The following CPED1 variants were observed in gnomAD, a reference collection of about 807,000 sequenced individuals.
CPED1 encodes the protein cadherin-like and PC-esterase domain-containing protein 1.
CPED1 carries 114 observed loss-of-function variants against 128.2 expected under a neutral mutation model. The ratio of observed to expected loss-of-function variants is 0.89; its 90% CI spans 0.76 to 1.04. CPED1 has a LOEUF of 1.04. CPED1 is among the 50% of genes least tolerant of loss of function. The pLI is 0.00. For missense variants in CPED1, 1,211 were observed against 1,207.1 expected (o/e 1.00, Z -0.05); for synonymous variants, 462 against 426.7 (o/e 1.08, Z -1.02).
rs926426936 is a variant in CPED1, at chr7:121,251,769, C to A, written c.2310+7431C>A. Among the ~76,000 whole-genome samples the A allele has an allele frequency of 2.3e-4, 34 of 148,128 alleles. 2 individuals are homozygous for A. Among genetic ancestry groups the A allele is most frequent in the Non-Finnish European group, 7.5e-5 (5 of 66,658 alleles). ...ATCCAACTTAAAGGGATGTGAAGGA[C>A]CTCTTCAAGGAGAACTACAAACCAC... On this transcript the variant is annotated intron_variant, in intron 18 of 22. Transcript: ENST00000310396.
At chr7:121,098,731 A>AATAT (rs1314279145) in intron 6 of CPED1, among the ~76,000 whole-genome samples, 3 of 25,520 alleles carry the variant, frequency 1.2e-4, no homozygotes, top group Admixed American at 7.5e-4. Flanking sequence ...CCTTGTCTCA[A>AATAT]ATATATATAT....
chr7:120,995,966 CCTCCTTCTT>C (rs1562985618), intron 2 of CPED1, among the ~76,000 whole-genome samples: 1 of 87,052 alleles, frequency 1.1e-5, no homozygotes, highest in Non-Finnish European at 2.5e-5. Context: ...TCCTCCTCCT[CCTCCTTCTT>C]CTTCTTCTTC....
chr7:121,200,345 T>A (rs77608690), intron 16 of CPED1, among the ~76,000 whole-genome samples: 3 of 152,236 alleles, frequency 2.0e-5, no homozygotes, highest in Non-Finnish European at 4.4e-5. Context: ...TGTCAATGCA[T>A]ACTGTGGATT....
intron 16 of CPED1, among the ~76,000 whole-genome samples, chr7:121,150,678 T>C (rs1049330610): frequency 6.6e-6 from 1 of 152,060 alleles, no homozygotes; most frequent in Non-Finnish European, 1.5e-5. Context: ...ACAGCATAAG[T>C]ATTTCCTTTT....
chr7:121,038,322 A>T (rs1369311571), intron 3 of CPED1, among the ~76,000 whole-genome samples: 1 of 152,022 alleles, frequency 6.6e-6, no homozygotes, highest in African/African-American at 2.4e-5. Context: ...AGCTGCATGT[A>T]TTAAGAAGGG....
At chr7:121,256,130 A>AAACAAACAAAAAAAAAAAC (rs1562852742) in intron 18 of CPED1, among the ~76,000 whole-genome samples, 10 of 35,252 alleles carry the variant, frequency 2.8e-4, no homozygotes, top group African/African-American at 4.4e-4. Context: ...AAAACAAAAC[A>AAACAAACAAAAAAAAAAAC]AAAAAAAAAA....
chr7:121,290,540 C>T (rs1792677826), intron 22 of CPED1, among the ~76,000 whole-genome samples: 1 of 152,180 alleles, frequency 6.6e-6, no homozygotes, highest in Non-Finnish European at 1.5e-5. Flanking sequence ...TTTTGATTTG[C>T]ATTTCTCTAA....
chr7:121,283,297 ATT>A (rs1792497841), intron 22 of CPED1, among the ~76,000 whole-genome samples: 2 of 152,108 alleles, frequency 1.3e-5, no homozygotes, highest in Non-Finnish European at 2.9e-5. Context: ...TGCAATGTGA[ATT>A]TTCCTATTCT....
chr7:121,149,479 T>C (rs1353103238), intron 16 of CPED1: 4 of 152,218 alleles, frequency 2.6e-5, no homozygotes, highest in Non-Finnish European at 2.9e-5. Context: ...ACCATTTACA[T>C]AAAAACTTTT....
chr7:121,212,586 C>T (rs775197319), intron 16 of CPED1, among the ~76,000 whole-genome samples: 12 of 152,146 alleles, frequency 7.9e-5, no homozygotes, highest in Non-Finnish European at 1.5e-4. Flanking sequence ...TCACTCTCTA[C>T]AGCAATCATG....
At chr7:121,247,088 G>A (rs1345486907) in intron 18 of CPED1, among the ~76,000 whole-genome samples, 2 of 152,214 alleles carry the variant, frequency 1.3e-5, no homozygotes, top group African/African-American at 2.4e-5. Flanking sequence ...GCAGCAGCAT[G>A]GAGGCTCTTT....
intron 2 of CPED1, among the ~76,000 whole-genome samples, chr7:120,990,165 C>T (rs1356722091): frequency 2.0e-5 from 3 of 152,098 alleles, no homozygotes; most frequent in Non-Finnish European, 4.4e-5. Context: ...TCTAAAATAT[C>T]AGTATTCTAA....
intron 22 of CPED1, among the ~76,000 whole-genome samples, chr7:121,273,798 A>T (rs1792278687): frequency 6.6e-6 from 1 of 152,156 alleles, no homozygotes; most frequent in African/African-American, 2.4e-5. Context: ...GTCTTCCACA[A>T]GAAAATATAC....
chr7:121,194,554 T>C (rs981044535), intron 16 of CPED1, among the ~76,000 whole-genome samples: 1 of 151,994 alleles, frequency 6.6e-6, no homozygotes, highest in Non-Finnish European at 1.5e-5. Context: ...TGGTTTGGGG[T>C]TTTGGTTTTT....
chr7:121,116,129 T>A (rs1399597164), intron 7 of CPED1, among the ~76,000 whole-genome samples: 1 of 152,208 alleles, frequency 6.6e-6, no homozygotes, highest in Non-Finnish European at 1.5e-5. Flanking sequence ...GAGTTTAAAG[T>A]TTTCAGCTAT....
At chr7:121,246,488 C>T (rs534757172) in intron 18 of CPED1, among the ~76,000 whole-genome samples, 35 of 152,304 alleles carry the variant, frequency 2.3e-4, no homozygotes, top group African/African-American at 7.9e-4. Context: ...CTTCTGTTGA[C>T]TGCCTTCTTG....
At chr7:121,205,218 A>G (rs568245787) in intron 16 of CPED1, among the ~76,000 whole-genome samples, 12 of 152,218 alleles carry the variant, frequency 7.9e-5, no homozygotes, top group Non-Finnish European at 1.3e-4. Flanking sequence ...TTATGAGTGC[A>G]TTAGAAATAC....
intron 14 of CPED1, among the ~76,000 whole-genome samples, chr7:121,136,521 T>C (rs564987114): frequency 4.6e-5 from 7 of 152,284 alleles, no homozygotes; most frequent in African/African-American, 1.7e-4. Context: ...ATTTTCAATT[T>C]TTTTAATTCA....
At chr7:121,057,627 T>G (rs1191753539) in intron 4 of CPED1, among the ~76,000 whole-genome samples, 1 of 152,250 alleles carries the variant, frequency 6.6e-6, no homozygotes, top group African/African-American at 2.4e-5. Context: ...ACAAAAGGCC[T>G]GAGAGGCTTG....
Sources: allele counts gnomAD v4.1 joint callset (sites outside exome capture counted in the v4.1 genomes callset), GRCh38; gene constraint gnomAD v4.1.1; transcripts MANE v1.5; gene names NCBI Gene and HGNC (gene_info 2026-07-23, HGNC 2026-07-21).